FAM149A: variants seen among roughly 807,000 people sequenced by gnomAD.
FAM149A encodes protein FAM149A.
Under a neutral mutation model 78.2 loss-of-function variants are expected in FAM149A, and 71 were observed. The ratio of observed to expected loss-of-function variants is 0.91; its 90% CI spans 0.75 to 1.11. The LOEUF is 1.11. FAM149A is among the 50% of genes least tolerant of loss of function. FAM149A has a pLI of 0.00. For missense variants in FAM149A, 1,036 were observed against 971.0 expected, an observed-to-expected ratio of 1.07 and a Z score of -0.89; for synonymous variants, 446 against 410.5, an observed-to-expected ratio of 1.09 and a Z score of -1.04.
intron 7 of FAM149A, 132 bp downstream of exon 7, chr4:186,156,322 C>A: frequency 1.5e-6 from 1 of 658,784 alleles, no homozygotes; most frequent in South Asian, 1.9e-5. Flanking sequence ...TGACTTTACT[C>A]ATGAGTGCTC....
At chr4:186,141,432 G>A (rs2099325737) in intron 1 of FAM149A, among the ~76,000 whole-genome samples, 2 of 152,046 alleles carry the variant, frequency 1.3e-5, no homozygotes, top group African/African-American at 2.4e-5. Context: ...TTATAAATGT[G>A]GATACTAGAA....
intron 1 of FAM149A, chr4:186,109,124 G>A (rs2099310145): frequency 1.0e-6 from 1 of 979,484 alleles, no homozygotes; most frequent in South Asian, 4.7e-5. Context: ...TGGGATTACA[G>A]GCTTGAGCCA....
chr4:186,128,124 G>A (rs1297617285), intron 1 of FAM149A, among the ~76,000 whole-genome samples: 1 of 150,518 alleles, frequency 6.6e-6, no homozygotes, highest in Admixed American at 6.7e-5. Flanking sequence ...CCGAGTAGTT[G>A]TGGTGACAGG....
chr4:186,126,187 C>A, intron 1 of FAM149A: 1 of 756,056 alleles, frequency 1.3e-6, no homozygotes, highest in Non-Finnish European at 1.6e-6. Context: ...TCGAGTAAGC[C>A]TCGCGCCTTG....
chr4:186,169,808 A>C, intron 13 of FAM149A: 14 of 985,476 alleles, frequency 1.4e-5, no homozygotes, highest in Non-Finnish European at 1.7e-5. Context: ...TGTAGGACCC[A>C]GGGAACGGTC....
Position 186,116,120 on chromosome 4 carries a change from G to A in FAM149A, c.566+10478G>A, listed in dbSNP as rs1170018451. Among the ~76,000 whole-genome samples, 10 of 39,260 alleles carry A rather than the reference G, an allele frequency of 2.5e-4. 2 individuals carry two copies. Among genetic ancestry groups the A allele is most frequent in the African/African-American group, 8.6e-4 (10 of 11,584 alleles). The allele number at this position is 39,260 out of a possible 152,430, so 25.8% of individuals were successfully genotyped here. On this transcript the variant is annotated intron_variant, in intron 1 of 13. Transcript: ENST00000389354. Reference sequence around the variant, plus strand: ...GGCGCGCCGTTTTTTAAGCCGGTCCGAAAAGCGCAATATTTGGGTGGGAGT... The same window carrying A: ...GGCGCGCCGTTTTTTAAGCCGGTCCAAAAAGCGCAATATTTGGGTGGGAGT...
In FAM149A at chr4:186,110,424, A is replaced by C. The variant is rs541835155; in HGVS notation, c.566+4782A>C. The C allele has an allele frequency of 6.5e-5, 44 of 672,938 alleles. No homozygotes were observed. The African/African-American group carries it at 8.4e-4, about 13-fold the overall frequency. The allele number at this position is 672,938 out of a possible 1,614,324, so 41.7% of individuals were successfully genotyped here. On this transcript the variant is annotated intron_variant, in intron 1 of 13. Transcript: ENST00000389354. ...TTTTTTTTATTATACTTTAAGTTTT[A>C]GGGTACATGTGCACATTGTGCAGGT...
At chr4:186,110,348 G>T in intron 1 of FAM149A, 1 of 982,912 alleles carries the variant, frequency 1.0e-6, no homozygotes, top group African/African-American at 1.8e-5. Flanking sequence ...TTTCCTCAGG[G>T]ATGAACGGTG....
chr4:186,123,221 A>G (rs966437192), intron 1 of FAM149A: 1 of 985,416 alleles, frequency 1.0e-6, no homozygotes, highest in African/African-American at 1.7e-5. Flanking sequence ...AGGATGTCCA[A>G]ATCTTATTTT....
In FAM149A at chr4:186,172,645, TAAACGCA is replaced by T. The variant is rs1324717556; in HGVS notation, c.*660_*666del. On this transcript the variant is annotated 3_prime_UTR_variant, in exon 14 of 14. Coordinates refer to ENST00000389354, the MANE Select transcript of FAM149A (RefSeq NM_001367768.3). ...CATTTATTGATCTTAGGGTTGAATA[TAAACGCA>T]ATTAAAAGCTATGGCAGGTGATGTC... 2 of 112,302 alleles carry T rather than the reference TAAACGCA, an allele frequency of 1.8e-5. No individual in the cohort carries two copies. Among genetic ancestry groups the T allele is most frequent in the African/African-American group, 5.6e-5 (2 of 35,800 alleles). 7.0% of individuals were successfully genotyped at this position (112,302 alleles called of 1,614,324 possible). A position where few individuals can be genotyped will look rare whatever the true frequency, so the allele number is the denominator to read the frequency against.
At position 186,116,573 on chromosome 4, in the gene FAM149A, C is replaced by A. The variant is rs1210578333; in HGVS notation, c.566+10931C>A. ...GTAGGCTTTTGCTTTAAATTATCCTCTTTCTTTGTTGTTATATTTAAATTT... is the reference window on the plus strand; with the variant it reads ...GTAGGCTTTTGCTTTAAATTATCCTATTTCTTTGTTGTTATATTTAAATTT... On this transcript the variant is annotated intron_variant, in intron 1 of 13. Transcript: ENST00000389354. 3 of 978,812 alleles carry A rather than the reference C, an allele frequency of 3.1e-6. No individual in the cohort carries two copies. In the East Asian group the frequency reaches 3.5e-4, roughly 116 times the overall value. 60.6% of individuals were successfully genotyped at this position (978,812 alleles called of 1,614,324 possible).
Position 186,106,859 on chromosome 4 carries a change from A to G in FAM149A, c.566+1217A>G, listed in dbSNP as rs570113536. On this transcript the variant is annotated intron_variant, in intron 1 of 13. Transcript: ENST00000389354. ...CTACTCGGAAGGCTGAGGCAAGAGG[A>G]TGATGGCGTGAACCCGGGAGGCGGA... Among the ~76,000 whole-genome samples the G allele has an allele frequency of 9.9e-4, 151 of 152,242 alleles. 1 individual carries two copies. The highest frequency in any genetic ancestry group is 1.8e-3 in the Non-Finnish European group (120 of 68,012).
chr4:186,108,568 C>T (rs1382425775), intron 1 of FAM149A, among the ~76,000 whole-genome samples: 2 of 152,058 alleles, frequency 1.3e-5, no homozygotes, highest in Non-Finnish European at 2.9e-5. Context: ...AAGTGAAAGG[C>T]CCATGGAACA....
chr4:186,123,159 C>T (rs2099316820), intron 1 of FAM149A: 8 of 946,862 alleles, frequency 8.4e-6, no homozygotes, highest in Middle Eastern at 5.5e-4. Flanking sequence ...CAGTGTTAAT[C>T]CAAGGAACCA....
At chr4:186,124,279 A>G (rs970403221) in intron 1 of FAM149A, 5 of 948,012 alleles carry the variant, frequency 5.3e-6, no homozygotes, top group East Asian at 1.2e-4. Flanking sequence ...TTTTTTTATT[A>G]TACTTTAAGT....
At chr4:186,109,406 A>G (rs1473515676) in intron 1 of FAM149A, 1 of 874,172 alleles carries the variant, frequency 1.1e-6, no homozygotes, top group Non-Finnish European at 1.4e-6. Context: ...CATGGCTGGC[A>G]GTAAAGTGAC....
chr4:186,128,919 G>A (rs946929519), intron 1 of FAM149A, among the ~76,000 whole-genome samples: 2 of 151,404 alleles, frequency 1.3e-5, no homozygotes, highest in African/African-American at 4.9e-5. Flanking sequence ...TGCGTCTTAT[G>A]TGTTTCTGTG....
In FAM149A at chr4:186,117,467, G is replaced by A. The variant is rs140461426; in HGVS notation, c.566+11825G>A. The stretch of plus-strand genomic sequence containing the variant: ...ACAGCTAAGAGAGAAGAGGAGGCGC[G>A]GAGATGATGCTGAACGAGGGGCGAT... On this transcript the variant is annotated intron_variant, in intron 1 of 13. Transcript: ENST00000389354. The A allele has an allele frequency of 3.4e-4, 331 of 985,352 alleles. 1 individual carries two copies. The African/African-American group carries it at 5.0e-3, about 15-fold the overall frequency. The allele number at this position is 985,352 out of a possible 1,614,324, so 61.0% of individuals were successfully genotyped here. A position where few individuals can be genotyped will look rare whatever the true frequency, so the allele number is the denominator to read the frequency against.
In FAM149A at chr4:186,166,082, C is replaced by CG. The variant is rs569328232; in HGVS notation, c.2010+624dup. 1.1e-3 allele frequency among the ~76,000 whole-genome samples: 169 copies of CG among 152,260 alleles called. No individual in the cohort carries two copies. In the Middle Eastern group the frequency reaches 0.02, roughly 18 times the overall value. ...CGCCTCGGCCAGGCAGTCAGGTCTG[C>CG]GGGGGGTGTGCTGTGGCCAGCATGC... On this transcript the variant is annotated intron_variant, in intron 11 of 13. Coordinates refer to ENST00000389354, the MANE Select transcript of FAM149A (RefSeq NM_001367768.3).
Sources: allele counts gnomAD v4.1 joint callset (sites outside exome capture counted in the v4.1 genomes callset), GRCh38; gene constraint gnomAD v4.1.1; transcripts MANE v1.5; gene names NCBI Gene and HGNC (gene_info 2026-07-23, HGNC 2026-07-21).